Variants in ABTB3 observed in about 807,000 individuals in gnomAD.
The protein encoded by ABTB3 is ankyrin repeat and BTB domain containing 3, also known as ankyrin repeat- and BTB/POZ domain-containing protein 3.
the ABTB3 span, chr12:107,486,759 A>G: frequency 6.7e-6 from 1 of 149,552 alleles, no homozygotes; most frequent in African/African-American, 2.5e-5. Context: ...AAAAAAAATC[A>G]CTGATGTTCA....
chr12:107,596,130 T>C, the ABTB3 span, among the ~76,000 whole-genome samples: 2 of 152,238 alleles, frequency 1.3e-5, no homozygotes, highest in African/African-American at 2.4e-5. Context: ...CAAGAATGAA[T>C]TAATGAAGAT....
chr12:107,492,082 T>G, the ABTB3 span, among the ~76,000 whole-genome samples: 27 of 151,946 alleles, frequency 1.8e-4, no homozygotes, highest in African/African-American at 6.5e-4. Context: ...GAATGCAGGG[T>G]GAAGTCGTGG....
the ABTB3 span, among the ~76,000 whole-genome samples, chr12:107,623,932 C>T: frequency 1.3e-5 from 2 of 152,104 alleles, no homozygotes; most frequent in African/African-American, 4.8e-5. Flanking sequence ...GGAAGTTCTC[C>T]CTGAGAAAGT....
chr12:107,537,857 T>C, the ABTB3 span, among the ~76,000 whole-genome samples: 1 of 152,182 alleles, frequency 6.6e-6, no homozygotes, highest in African/African-American at 2.4e-5. Context: ...ATCTGATGTG[T>C]AGCCACCACT....
chr12:107,526,210 G>C, the ABTB3 span, among the ~76,000 whole-genome samples: 4 of 152,176 alleles, frequency 2.6e-5, no homozygotes, highest in Non-Finnish European at 5.9e-5. Context: ...TGAACTCAGG[G>C]ACGTAGAGCT....
chr12:107,368,469 A>G, the ABTB3 span, among the ~76,000 whole-genome samples: 1 of 152,290 alleles, frequency 6.6e-6, no homozygotes, highest in South Asian at 2.1e-4. Context: ...CACCCATCAT[A>G]TTTTGTGTCT....
the ABTB3 span, among the ~76,000 whole-genome samples, chr12:107,595,589 A>G: frequency 6.6e-6 from 1 of 152,214 alleles, no homozygotes; most frequent in Non-Finnish European, 1.5e-5. Flanking sequence ...AGACAGCAGC[A>G]TTGGAAGAGA....
At chr12:107,655,183 C>T in the ABTB3 span, among the ~76,000 whole-genome samples, 1 of 152,018 alleles carries the variant, frequency 6.6e-6, no homozygotes, top group African/African-American at 2.4e-5. Flanking sequence ...TTACTAATGT[C>T]GCCTGATGGG....
the ABTB3 span, among the ~76,000 whole-genome samples, chr12:107,441,633 T>TA: frequency 2.0e-5 from 3 of 148,080 alleles, no homozygotes; most frequent in Admixed American, 6.7e-5. Flanking sequence ...AATTAAAACT[T>TA]AAAAAAAAAA....
chr12:107,541,536 G>T, the ABTB3 span, among the ~76,000 whole-genome samples: 1 of 152,240 alleles, frequency 6.6e-6, no homozygotes, highest in African/African-American at 2.4e-5. Context: ...ATTTTGCAGT[G>T]CAGGCCAGCA....
At chr12:107,494,585 GTCACGGGAGTT>G in the ABTB3 span, among the ~76,000 whole-genome samples, 1 of 152,176 alleles carries the variant, frequency 6.6e-6, no homozygotes, top group African/African-American at 2.4e-5. Flanking sequence ...GAGCCAAAAG[GTCACGGGAGTT>G]TCTGTAAGAG....
At chr12:107,614,988 A>G in the ABTB3 span, 4 of 1,318,836 alleles carry the variant, frequency 3.0e-6, no homozygotes, top group Non-Finnish European at 4.3e-6. Context: ...GTGCCCAGCC[A>G]CAGATACGTC....
At chr12:107,616,942 T>A in the ABTB3 span, 1 of 731,312 alleles carries the variant, frequency 1.4e-6, no homozygotes, top group South Asian at 1.7e-5. Flanking sequence ...TCCTCCAGGG[T>A]ACAGTTGCCC....
the ABTB3 span, among the ~76,000 whole-genome samples, chr12:107,411,918 G>A: frequency 6.6e-6 from 1 of 152,170 alleles, no homozygotes; most frequent in South Asian, 2.1e-4. Context: ...TGGGGACTGA[G>A]AGCAAGTCCT....
chr12:107,629,972 G>A, the ABTB3 span, among the ~76,000 whole-genome samples: 1 of 151,940 alleles, frequency 6.6e-6, no homozygotes, highest in Non-Finnish European at 1.5e-5. Flanking sequence ...CACTCAAAAG[G>A]GCCCTCCTGG....
chr12:107,554,295 T>C, the ABTB3 span, among the ~76,000 whole-genome samples: 1 of 152,268 alleles, frequency 6.6e-6, no homozygotes, highest in African/African-American at 2.4e-5. Flanking sequence ...GCTTATGGGG[T>C]ACAGTGTGCT....
At chr12:107,443,153 A>G in the ABTB3 span, among the ~76,000 whole-genome samples, 17 of 152,286 alleles carry the variant, frequency 1.1e-4, no homozygotes, top group Admixed American at 2.6e-4. Context: ...TGGGGAGGAC[A>G]TGACATTTAT....
the ABTB3 span, among the ~76,000 whole-genome samples, chr12:107,403,410 G>T: frequency 6.6e-6 from 1 of 152,092 alleles, no homozygotes; most frequent in Non-Finnish European, 1.5e-5. Flanking sequence ...GGGTGCTAAA[G>T]CTTCCTACCA....
chr12:107,529,263 TTGA>T, the ABTB3 span, among the ~76,000 whole-genome samples: 1 of 135,884 alleles, frequency 7.4e-6, no homozygotes, highest in African/African-American at 2.8e-5. Context: ...GGTGGTCATG[TTGA>T]TGATGATGGT....
Sources: gnomAD v4.1 joint callset for allele counts (sites outside exome capture counted in the v4.1 genomes callset) on GRCh38, gnomAD v4.1.1 for gene constraint, MANE v1.5 for transcripts, NCBI Gene and HGNC (gene_info 2026-07-23, HGNC 2026-07-21) for gene names.